Variants in OR9Q1 observed in about 807,000 individuals in gnomAD.
OR9Q1 encodes olfactory receptor 9Q1.
For missense variants in OR9Q1, 374 were observed against 378.8 expected, an observed-to-expected ratio of 0.99 and a Z score of 0.11; for synonymous variants, 153 against 148.6, an observed-to-expected ratio of 1.03 and a Z score of -0.22.
intron 2 of OR9Q1, among the ~76,000 whole-genome samples, chr11:58,168,008 T>C (rs12805631): frequency 6.6e-6 from 1 of 152,040 alleles, no homozygotes; most frequent in East Asian, 1.9e-4. Flanking sequence ...GTTGACTGAA[T>C]TCATCAATAC....
chr11:58,143,177 A>C (rs969886372), intron 2 of OR9Q1, among the ~76,000 whole-genome samples: 2 of 152,230 alleles, frequency 1.3e-5, no homozygotes, highest in African/African-American at 4.8e-5. Context: ...CTCAGAATTT[A>C]GTAAAAATAA....
intron 1 of OR9Q1, among the ~76,000 whole-genome samples, chr11:58,034,262 T>A (rs774267294): frequency 2.0e-5 from 3 of 151,658 alleles, no homozygotes; most frequent in Non-Finnish European, 2.9e-5. Context: ...ATTTTTTTTA[T>A]ATTTTTAGTA....
chr11:58,117,475 G>A (rs543630537), intron 2 of OR9Q1: 16 of 152,222 alleles, frequency 1.1e-4, no homozygotes, highest in Admixed American at 7.9e-4. Flanking sequence ...GGCTCAAATA[G>A]GAACAAGCAT....
At chr11:58,027,296 A>G (rs1852985014) in intron 1 of OR9Q1, among the ~76,000 whole-genome samples, 1 of 152,186 alleles carries the variant, frequency 6.6e-6, no homozygotes, top group African/African-American at 2.4e-5. Flanking sequence ...GTGTGTCCAT[A>G]AAGTAGGGTA....
At chr11:58,059,147 C>A (rs564534602) in intron 2 of OR9Q1, among the ~76,000 whole-genome samples, 1 of 152,154 alleles carries the variant, frequency 6.6e-6, no homozygotes, top group Non-Finnish European at 1.5e-5. Context: ...GCCTAAGAAA[C>A]CAACTGACGT....
intron 1 of OR9Q1, chr11:58,031,914 G>A: frequency 3.9e-6 from 6 of 1,534,570 alleles, no homozygotes; most frequent in Non-Finnish European, 5.4e-6. Context: ...TGAGGAGGCA[G>A]GTGGGAACCC....
intron 2 of OR9Q1, among the ~76,000 whole-genome samples, chr11:58,141,478 A>G (rs3018838): frequency 0.13 from 19,996 of 152,148 alleles, 2,034 homozygotes; most frequent in Admixed American, 0.25. Context: ...TGAGATAATC[A>G]TATGGTTTTT....
intron 1 of OR9Q1, among the ~76,000 whole-genome samples, chr11:58,046,299 T>C (rs1296648338): frequency 6.6e-6 from 1 of 152,206 alleles, no homozygotes; most frequent in Non-Finnish European, 1.5e-5. Context: ...TGGGATGATT[T>C]GGACATTGAG....
At chr11:58,155,041 C>A (rs948585888) in intron 2 of OR9Q1, among the ~76,000 whole-genome samples, 3 of 152,210 alleles carry the variant, frequency 2.0e-5, no homozygotes, top group African/African-American at 7.2e-5. Flanking sequence ...ACCTACCTAC[C>A]TGTCTACCTA....
rs1196380219 is a variant in OR9Q1 at position 58,159,072 on chromosome 11, C to T, written c.-14-20359C>T. ...CACTTGAGTTGGCTTCTGATACTTG[C>T]ATCCAAATATCTTAACTAATATAAA... On this transcript the variant is annotated intron_variant, in intron 2 of 2. Transcript: ENST00000335397. Among the ~76,000 whole-genome samples the T allele has an allele frequency of 3.9e-5, 6 of 152,158 alleles. No individual in the cohort carries two copies. In the East Asian group the frequency reaches 1.2e-3, roughly 29 times the overall value.
chr11:58,158,707 G>T (rs537096186), intron 2 of OR9Q1, among the ~76,000 whole-genome samples: 1 of 152,280 alleles, frequency 6.6e-6, no homozygotes, highest in Admixed American at 6.5e-5. Flanking sequence ...CTCAAGATGG[G>T]CTAGTTTGAG....
intron 2 of OR9Q1, among the ~76,000 whole-genome samples, chr11:58,159,149 T>A (rs867143082): frequency 2.0e-5 from 3 of 151,788 alleles, no homozygotes; most frequent in East Asian, 1.9e-4. Context: ...GAAAAAAAAA[T>A]GTGTTGTCAT....
At chr11:58,119,086 T>C (rs762471068) in intron 2 of OR9Q1, 2 of 1,613,820 alleles carry the variant, frequency 1.2e-6, no homozygotes, top group Admixed American at 1.7e-5. Flanking sequence ...ATAGCGATCA[T>C]AGGCCATCAC....
In OR9Q1 at chr11:58,179,465, C is replaced by A. The variant is rs1458081549; in HGVS notation, c.21C>A (p.Thr7=). 2.5e-6 allele frequency: 4 copies of A among 1,571,530 alleles called. No individual in the cohort carries two copies. The highest frequency in any genetic ancestry group is 3.5e-6 in the Non-Finnish European group (4 of 1,157,406). Residue 7 remains threonine, a synonymous_variant, in exon 3 of 3, where the codon ACC becomes ACA. Coordinates refer to ENST00000335397, the MANE Select transcript of OR9Q1 (RefSeq NM_001005212.4). ...GTGTCATGGCAGAGATGAACCTCAC[C>A]TTGGTGACCGAGTTCCTCCTTATTG... MAEMNL[T]LVTEFLLIAF...
intron 2 of OR9Q1, among the ~76,000 whole-genome samples, chr11:58,113,884 T>A (rs1853925403): frequency 6.6e-6 from 1 of 152,180 alleles, no homozygotes; most frequent in African/African-American, 2.4e-5. Flanking sequence ...CCAAGCATAA[T>A]ATAATTATAG....
chr11:58,048,476 C>A (rs1354169121), intron 1 of OR9Q1, among the ~76,000 whole-genome samples: 2 of 141,206 alleles, frequency 1.4e-5, no homozygotes, highest in African/African-American at 5.3e-5. Context: ...CATGGTGAAA[C>A]CCCACCTCTA....
At chr11:58,178,907 T>C (rs1565098203) in intron 2 of OR9Q1, among the ~76,000 whole-genome samples, 1 of 144,938 alleles carries the variant, frequency 6.9e-6, no homozygotes, top group African/African-American at 2.5e-5. Flanking sequence ...ATATATTATA[T>C]ATATTATATA....
intron 2 of OR9Q1, among the ~76,000 whole-genome samples, 156 bp from the exon 3 acceptor site, chr11:58,179,275 C>A (rs2119975403): frequency 6.6e-6 from 1 of 152,222 alleles, no homozygotes; most frequent in African/African-American, 2.4e-5. Context: ...ATCCCACTGC[C>A]TCGCTTCCAA....
At chr11:58,148,486 T>A (rs1235820918) in intron 2 of OR9Q1, among the ~76,000 whole-genome samples, 1 of 152,134 alleles carries the variant, frequency 6.6e-6, no homozygotes, top group Non-Finnish European at 1.5e-5. Flanking sequence ...CCAATTCTAT[T>A]TGTCTAAGCT....
Sources: allele counts gnomAD v4.1 joint callset (sites outside exome capture counted in the v4.1 genomes callset), GRCh38; gene constraint gnomAD v4.1.1; transcripts MANE v1.5; gene names NCBI Gene and HGNC (gene_info 2026-07-23, HGNC 2026-07-21).